The following IRF4 variants were observed in gnomAD, a reference collection of about 807,000 sequenced individuals.
IRF4 encodes the protein lymphocyte-specific interferon regulatory factor.
IRF4 carries 13 observed loss-of-function variants against 55.5 expected under a neutral mutation model. That is an observed-to-expected ratio of 0.23 (90% CI 0.15 to 0.37). IRF4 has a LOEUF of 0.37. IRF4 is among the 10% of genes least tolerant of loss of function. IRF4 has a pLI of 1.00. For synonymous variants in IRF4, 249 were observed against 240.7 expected (o/e 1.03, Z -0.32); for missense variants, 397 against 593.8 (o/e 0.67, Z 3.44).
intron 8 of IRF4, chr6:406,958 T>C: frequency 1.0e-6 from 1 of 961,880 alleles, no homozygotes; most frequent in South Asian, 3.8e-5. Context: ...TTAGCTTCTC[T>C]TTTTCCACAA....
chr6:404,361 G>A (rs1020736972), intron 7 of IRF4, among the ~76,000 whole-genome samples: 1 of 152,182 alleles, frequency 6.6e-6, no homozygotes, highest in Admixed American at 6.5e-5. Context: ...GGCCAGGGGG[G>A]CTGCCCCACT....
At chr6:391,899 G>A (rs914832738) in intron 1 of IRF4, 90 bp downstream of exon 1, 13 of 450,048 alleles carry the variant, frequency 2.9e-5, no homozygotes, top group Non-Finnish European at 5.4e-5. Flanking sequence ...CTCCAGGGCA[G>A]CGCAGGGTAC....
rs563755296 is a variant in IRF4, at chr6:408,490, C to G, written c.*892C>G. 114 of 229,948 alleles carry G rather than the reference C, an allele frequency of 5.0e-4. No homozygotes were observed. The highest frequency in any genetic ancestry group is 5.5e-4 in the South Asian group (3 of 5,494). 14.2% of individuals were successfully genotyped at this position (229,948 alleles called of 1,614,324 possible). On this transcript the variant is annotated 3_prime_UTR_variant, in exon 9 of 9. Coordinates refer to ENST00000380956, the MANE Select transcript of IRF4 (RefSeq NM_002460.4). ...ACATGAGCGCTACTCTTGGATGGGA[C>G]ATTTTTGTCTGTCCTACAATCTAGT...
chr6:396,229 TATC>T (rs1408844162), intron 4 of IRF4, among the ~76,000 whole-genome samples: 3 of 152,266 alleles, frequency 2.0e-5, no homozygotes, highest in Admixed American at 6.5e-5. Flanking sequence ...AGTAGTGCCT[TATC>T]ATGTGAAACC....
In IRF4 at chr6:410,673, G is replaced by T; in HGVS notation, c.*3075G>T. On this transcript the variant is annotated 3_prime_UTR_variant, in exon 9 of 9. Coordinates refer to ENST00000380956, the MANE Select transcript of IRF4 (RefSeq NM_002460.4). The stretch of plus-strand genomic sequence containing the variant: ...GCTCCGCCAGGAAGGCCACTTGTGT[G>T]TGCGTGTCAGTTACTTTTTTAGTAA... The T allele has an allele frequency of 8.6e-6, 2 of 231,916 alleles. No homozygotes were observed. The highest frequency in any genetic ancestry group is 1.8e-4 in the South Asian group (1 of 5,506). The allele number at this position is 231,916 out of a possible 1,614,324, so 14.4% of individuals were successfully genotyped here. A position where few individuals can be genotyped will look rare whatever the true frequency, so the allele number is the denominator to read the frequency against.
chr6:403,150 C>G (rs547491174), intron 7 of IRF4, among the ~76,000 whole-genome samples: 1 of 152,346 alleles, frequency 6.6e-6, no homozygotes, highest in African/African-American at 2.4e-5. Flanking sequence ...GGCTGGACAC[C>G]TCTCATTCTA....
chr6:395,908 A>G lies in IRF4; in HGVS notation c.465A>G (p.Thr155=). 3 of 1,613,766 alleles carry G rather than the reference A, an allele frequency of 1.9e-6. No homozygotes were observed. The highest frequency in any genetic ancestry group is 2.5e-6 in the Non-Finnish European group (3 of 1,179,828). The change falls in exon 4 of 9, where the codon ACA becomes ACG. Residue 155 remains threonine, a synonymous_variant. Transcript: ENST00000380956. ...QMSMSHPYTM[T]TPYPSLPAQQ... is the part of the protein sequence containing the mutation. ...CCATGAGCCACCCCTACACCATGAC[A>G]ACGCCTTACCCTTCGCTCCCAGCCC... is the stretch of plus-strand genomic sequence containing the variant.
At chr6:398,616 G>A (rs1032379219) in intron 5 of IRF4, among the ~76,000 whole-genome samples, 3 of 152,164 alleles carry the variant, frequency 2.0e-5, no homozygotes, top group Admixed American at 1.3e-4. Context: ...GCACTGGCTC[G>A]TTTCTCCATC....
intron 7 of IRF4, among the ~76,000 whole-genome samples, chr6:404,419 A>AGGC (rs1761487367): frequency 6.6e-6 from 1 of 152,200 alleles, no homozygotes. Context: ...ACAGGCAAGA[A>AGGC]GTCTACTCAG....
In IRF4 at chr6:393,950, C is replaced by A. The variant is rs547232175; in HGVS notation, c.216+582C>A. Reference sequence around the variant, plus strand: ...TTTGTGTGTCTCTGTCTCTCTCTTTCCCCCATCGCAGTGGAACTCAGGGCC... The same window carrying A: ...TTTGTGTGTCTCTGTCTCTCTCTTTACCCCATCGCAGTGGAACTCAGGGCC... On this transcript the variant is annotated intron_variant, in intron 2 of 8. Transcript: ENST00000380956. This position sits in a 1 kb window ranked among gnomAD's most constrained non-coding sequence, Gnocchi z 5.4. Among the ~76,000 whole-genome samples, 1 of 152,200 alleles carries A rather than the reference C, an allele frequency of 6.6e-6. No individual in the cohort carries two copies. Among genetic ancestry groups the A allele is most frequent in the Non-Finnish European group, 1.5e-5 (1 of 68,034 alleles).
chr6:393,085 C>T lies in IRF4; in HGVS notation c.-55-13C>T. The T allele has an allele frequency of 1.4e-6, 2 of 1,426,400 alleles. No individual in the cohort carries two copies. The highest frequency in any genetic ancestry group is 1.9e-6 in the Non-Finnish European group (2 of 1,052,332). The allele number at this position is 1,426,400 out of a possible 1,614,324, so 88.4% of individuals were successfully genotyped here. A position where few individuals can be genotyped will look rare whatever the true frequency, so the allele number is the denominator to read the frequency against. On this transcript the variant is annotated splice_polypyrimidine_tract_variant and intron_variant, in intron 1 of 8. Coordinates refer to ENST00000380956, the MANE Select transcript of IRF4 (RefSeq NM_002460.4). The surrounding 1 kb of genome is among the most constrained non-coding windows in gnomAD (Gnocchi z 5.4). ...GGTGCCTCGTGGCTGAAGGGCAGCT[C>T]TTCTCCCCGCAGTGCAGAGCAGAGC...
At chr6:407,346 A>G in intron 8 of IRF4, 109 bp from the exon 9 acceptor site, 2 of 1,076,854 alleles carry the variant, frequency 1.9e-6, no homozygotes, top group South Asian at 3.1e-5. Flanking sequence ...GTGTTCTAGG[A>G]TGTAACTTTG....
At chr6:392,686 G>A (rs988041002) in intron 1 of IRF4, among the ~76,000 whole-genome samples, 8 of 109,410 alleles carry the variant, frequency 7.3e-5, no homozygotes, top group Non-Finnish European at 9.4e-5. Context: ...AACTGACAGA[G>A]TCGCGGGGAA....
rs1017587318 is a variant in IRF4, at chr6:393,090, C to T, written c.-55-8C>T. On this transcript the variant is annotated splice_region_variant and splice_polypyrimidine_tract_variant and intron_variant, in intron 1 of 8. Transcript: ENST00000380956. This position sits in a 1 kb window ranked among gnomAD's most constrained non-coding sequence, Gnocchi z 5.4. Reference sequence around the variant, plus strand: ...CTCGTGGCTGAAGGGCAGCTCTTCTCCCCGCAGTGCAGAGCAGAGCGGGCG... The same window carrying T: ...CTCGTGGCTGAAGGGCAGCTCTTCTTCCCGCAGTGCAGAGCAGAGCGGGCG... 25 of 1,437,444 alleles carry T rather than the reference C, an allele frequency of 1.7e-5. No individual in the cohort carries two copies. The highest frequency in any genetic ancestry group is 1.4e-4 in the African/African-American group (10 of 70,148). The allele number at this position is 1,437,444 out of a possible 1,614,324, so 89.0% of individuals were successfully genotyped here.
Position 405,064 on chromosome 6 carries a change from G to C in IRF4, c.1146G>C (p.Gln382His), listed in dbSNP as rs750322004. 1 of 1,614,138 alleles carries C rather than the reference G, an allele frequency of 6.2e-7. No homozygotes were observed. The highest frequency in any genetic ancestry group is 1.7e-5 in the Admixed American group (1 of 60,032). ...AHHGRSLPRF[Q>H]VTLCFGEEFP... ...ACGGCCGCTCCCTGCCAAGATTCCA[G>C]GTGACTCTATGCTTTGGAGAGGAGT... Residue 382 changes from glutamine to histidine, a missense_variant, in exon 8 of 9, where the codon CAG becomes CAC. Coordinates refer to ENST00000380956, the MANE Select transcript of IRF4 (RefSeq NM_002460.4).
intron 7 of IRF4, among the ~76,000 whole-genome samples, chr6:402,277 C>T (rs1761423130): frequency 6.6e-6 from 1 of 152,164 alleles, no homozygotes; most frequent in Non-Finnish European, 1.5e-5. Context: ...GTGATATGAA[C>T]ATTTCTAAGC....
At chr6:400,071 A>G (rs987057315) in intron 6 of IRF4, among the ~76,000 whole-genome samples, 5 of 152,144 alleles carry the variant, frequency 3.3e-5, no homozygotes, top group Non-Finnish European at 5.9e-5. Flanking sequence ...CGAATGGCCA[A>G]CACCCACTCT....
chr6:406,282 G>C (rs952869374), intron 8 of IRF4, among the ~76,000 whole-genome samples: 9 of 152,186 alleles, frequency 5.9e-5, no homozygotes, highest in African/African-American at 2.2e-4. Context: ...AGTGGCTCAC[G>C]CCTGTAATCC....
At position 393,669 on chromosome 6, in the gene IRF4, C is replaced by T. The variant is rs544021402; in HGVS notation, c.216+301C>T. Among the ~76,000 whole-genome samples, 4 of 152,116 alleles carry T rather than the reference C, an allele frequency of 2.6e-5. No homozygotes were observed. Among genetic ancestry groups the T allele is most frequent in the Non-Finnish European group, 5.9e-5 (4 of 67,978 alleles). ...GGCTTGAGGGGTTTTGCGCGTTCGT[C>T]CGTGCGTTCTCGTTTCCACGCAAGC... is the stretch of plus-strand genomic sequence containing the variant. On this transcript the variant is annotated intron_variant, in intron 2 of 8. Transcript: ENST00000380956. The surrounding 1 kb of genome is among the most constrained non-coding windows in gnomAD (Gnocchi z 5.4).
Sources: gnomAD v4.1 joint callset for allele counts (sites outside exome capture counted in the v4.1 genomes callset) on GRCh38, gnomAD v4.1.1 for gene constraint, Gnocchi (gnomAD v3.1) non-coding constraint, MANE v1.5 for transcripts, NCBI Gene and HGNC (gene_info 2026-07-23, HGNC 2026-07-21) for gene names.